The following IL1RAPL1 variants were observed in gnomAD, a reference collection of about 807,000 sequenced individuals.
The protein encoded by IL1RAPL1 is interleukin 1 receptor accessory protein like 1.
A neutral mutation model predicts 48.4 loss-of-function variants in IL1RAPL1; 3 were observed. The ratio of observed to expected loss-of-function variants is 0.06; its 90% CI spans 0.03 to 0.16. IL1RAPL1 has a LOEUF of 0.16. Among genes scored for constraint, IL1RAPL1 ranks in the 10% least tolerant of loss-of-function variants. The pLI, the probability that IL1RAPL1 is intolerant of heterozygous loss-of-function variation, is 1.00. For missense variants in IL1RAPL1, 349 were observed against 530.6 expected, an observed-to-expected ratio of 0.66 and a Z score of 3.36; for synonymous variants, 185 against 187.7, an observed-to-expected ratio of 0.99 and a Z score of 0.12.
chrX:29,829,165 C>T (rs1336004216), intron 6 of IL1RAPL1, among the ~76,000 whole-genome samples: 1 of 81,972 alleles, frequency 1.2e-5, no homozygotes, highest in Non-Finnish European at 2.4e-5. Flanking sequence ...TACACACACA[C>T]ACACACACAC....
intron 2 of IL1RAPL1, among the ~76,000 whole-genome samples, chrX:29,262,506 A>C (rs1040593981): frequency 9.0e-6 from 1 of 110,519 alleles, no homozygotes; most frequent in African/African-American, 3.3e-5. Context: ...TCTACTAAAA[A>C]TACAAAATTA....
chrX:29,843,189 G>A (rs1284435828), intron 6 of IL1RAPL1, among the ~76,000 whole-genome samples: 1 of 111,862 alleles, frequency 8.9e-6, no homozygotes, highest in Non-Finnish European at 1.9e-5. Context: ...AAGATGGAAT[G>A]TTAGCCTTAT....
At chrX:28,799,068 T>C (rs1285129228) in intron 2 of IL1RAPL1, among the ~76,000 whole-genome samples, 1 of 111,595 alleles carries the variant, frequency 9.0e-6, no homozygotes, top group Non-Finnish European at 1.9e-5. Flanking sequence ...GTGAGAATAG[T>C]GAAGACAGAA....
At chrX:29,889,166 A>T (rs1482865538) in intron 6 of IL1RAPL1, among the ~76,000 whole-genome samples, 4 of 112,008 alleles carry the variant, frequency 3.6e-5, no homozygotes, top group African/African-American at 1.3e-4. Flanking sequence ...GCCAGACACT[A>T]AAATTGAGGC....
intron 6 of IL1RAPL1, among the ~76,000 whole-genome samples, chrX:29,851,644 C>T (rs1409153556): frequency 2.7e-5 from 3 of 111,439 alleles, no homozygotes; most frequent in Non-Finnish European, 3.8e-5. Context: ...TCACTTCCTT[C>T]GTTTCTGTGC....
chrX:28,762,821 C>CAGAG (rs1364686190), intron 1 of IL1RAPL1, among the ~76,000 whole-genome samples: 3 of 37,336 alleles, frequency 8.0e-5, no homozygotes, highest in Non-Finnish European at 1.2e-4. Flanking sequence ...CACACACACA[C>CAGAG]ACAGAGAGAG....
intron 2 of IL1RAPL1, among the ~76,000 whole-genome samples, chrX:28,990,495 G>T (rs751679596): frequency 8.9e-6 from 1 of 111,834 alleles, no homozygotes; most frequent in African/African-American, 3.2e-5. Flanking sequence ...AGTATTCACC[G>T]ATTCTTTTCA....
intron 3 of IL1RAPL1, among the ~76,000 whole-genome samples, chrX:29,306,878 A>AG (rs1569281487): frequency 9.3e-6 from 1 of 107,938 alleles, no homozygotes; most frequent in African/African-American, 3.4e-5. Flanking sequence ...AAAAAAAAAA[A>AG]AAAAGAAATT....
At chrX:28,793,930 G>A (rs1012117373) in intron 2 of IL1RAPL1, among the ~76,000 whole-genome samples, 1 of 111,248 alleles carries the variant, frequency 9.0e-6, no homozygotes, top group African/African-American at 3.3e-5. Context: ...CTGTTTCAGA[G>A]TCAGGGTTCA....
intron 5 of IL1RAPL1, among the ~76,000 whole-genome samples, chrX:29,518,878 G>GT (rs1242794348): frequency 8.9e-6 from 1 of 112,188 alleles, no homozygotes; most frequent in Non-Finnish European, 1.9e-5. Context: ...GATAGAAGCA[G>GT]TGAGACCAGT....
intron 2 of IL1RAPL1, among the ~76,000 whole-genome samples, chrX:28,867,149 T>C (rs1922097406): frequency 8.9e-6 from 1 of 111,757 alleles, no homozygotes; most frequent in African/African-American, 3.3e-5. Context: ...AAGATTTTTG[T>C]CATTATTTTA....
chrX:28,771,347 G>A (rs1009388656), intron 1 of IL1RAPL1, among the ~76,000 whole-genome samples: 2 of 112,500 alleles, frequency 1.8e-5, no homozygotes, highest in Non-Finnish European at 3.8e-5. Flanking sequence ...TTTCTAATAA[G>A]CAATGTCTTT....
chrX:29,085,345 G>T (rs1173217240), intron 2 of IL1RAPL1, among the ~76,000 whole-genome samples: 1 of 110,984 alleles, frequency 9.0e-6, no homozygotes, highest in Non-Finnish European at 1.9e-5. Context: ...GTGATCATGA[G>T]AAAAAGAAAA....
chrX:29,014,929 C>T (rs1240909240), intron 2 of IL1RAPL1, among the ~76,000 whole-genome samples: 1 of 111,324 alleles, frequency 9.0e-6, no homozygotes, highest in African/African-American at 3.3e-5. Context: ...CCAATCAAAT[C>T]TAGGATGACC....
intron 2 of IL1RAPL1, among the ~76,000 whole-genome samples, chrX:28,961,041 G>T (rs1924762517): frequency 9.9e-6 from 1 of 100,855 alleles, no homozygotes; most frequent in Non-Finnish European, 2.0e-5. Flanking sequence ...AAAAAAGTGT[G>T]GGTAATAAGA....
At chrX:28,647,851 A>G (rs1934632402) in intron 1 of IL1RAPL1, among the ~76,000 whole-genome samples, 1 of 112,141 alleles carries the variant, frequency 8.9e-6, no homozygotes, top group Non-Finnish European at 1.9e-5. Flanking sequence ...AATATGGAGC[A>G]GAAATGTATG....
intron 2 of IL1RAPL1, among the ~76,000 whole-genome samples, chrX:28,930,507 C>A (rs1923850581): frequency 8.9e-6 from 1 of 111,750 alleles, no homozygotes; most frequent in Non-Finnish European, 1.9e-5. Context: ...GTACTGTAGC[C>A]CTTGGGCATC....
rs191564756 is a variant in IL1RAPL1 at position 29,901,169 on chromosome X, T to G, written c.779-16295T>G. Among the ~76,000 whole-genome samples, 11 of 111,929 alleles carry G rather than the reference T, an allele frequency of 9.8e-5. No homozygotes were observed. The East Asian group carries it at 2.8e-3, about 29-fold the overall frequency. ...ATCATAAAGGAAATGACCAGGAAATTGCACACATCACTTCTTCATACATCT... is the reference window on the plus strand; with the variant it reads ...ATCATAAAGGAAATGACCAGGAAATGGCACACATCACTTCTTCATACATCT... On this transcript the variant is annotated intron_variant, in intron 6 of 10. Coordinates refer to ENST00000378993, the MANE Select transcript of IL1RAPL1 (RefSeq NM_014271.4).
At chrX:28,792,854 A>T (rs1488403266) in intron 2 of IL1RAPL1, among the ~76,000 whole-genome samples, 14 of 54,020 alleles carry the variant, frequency 2.6e-4, no homozygotes, top group South Asian at 1.2e-3. Flanking sequence ...TATATATAAA[A>T]AATAAGGCAA....
Sources: gnomAD v4.1 joint callset for allele counts (sites outside exome capture counted in the v4.1 genomes callset) on GRCh38, gnomAD v4.1.1 for gene constraint, MANE v1.5 for transcripts, NCBI Gene and HGNC (gene_info 2026-07-23, HGNC 2026-07-21) for gene names.